Variants in TBC1D20 observed in about 807,000 individuals in gnomAD.
TBC1D20 encodes the protein TBC1 domain family member 20.
Under a neutral mutation model 41.6 loss-of-function variants are expected in TBC1D20, and 12 were observed. That is an observed-to-expected ratio of 0.29 (90% CI 0.18 to 0.47). The LOEUF (loss-of-function observed/expected upper bound fraction) is 0.47. TBC1D20 is among the 20% of genes least tolerant of loss of function. TBC1D20 has a pLI of 1.00. For synonymous variants in TBC1D20, 205 were observed against 204.8 expected (o/e 1.00, Z -0.01); for missense variants, 421 against 517.4 (o/e 0.81, Z 1.81).
intron 2 of TBC1D20, 133 bp downstream of exon 2, chr20:447,756 G>C: frequency 1.6e-6 from 1 of 636,340 alleles, no homozygotes; most frequent in Non-Finnish European, 2.4e-6. Flanking sequence ...GTGGGCCCAA[G>C]CATTTCCCAA....
In TBC1D20 at chr20:439,053, C is replaced by T. The variant is rs1015091154; in HGVS notation, c.956+55G>A. 4.0e-5 allele frequency: 63 copies of T among 1,559,292 alleles called. No homozygotes were observed. Among genetic ancestry groups the T allele is most frequent in the African/African-American group, 1.9e-4 (14 of 73,626 alleles). ...ATCCCACCAGACACAAACCTTCCCT[C>T]GCTTCTGCTCATTTACAGCCACCCC... On this transcript the variant is annotated intron_variant, in intron 7 of 7. Coordinates refer to ENST00000354200, the MANE Select transcript of TBC1D20 (RefSeq NM_144628.4). This position sits in a 1 kb window ranked among gnomAD's most constrained non-coding sequence, Gnocchi z 4.6.
chr20:443,754 T>C (rs1449312744), intron 3 of TBC1D20, among the ~76,000 whole-genome samples: 1 of 152,108 alleles, frequency 6.6e-6, no homozygotes, highest in Non-Finnish European at 1.5e-5. Flanking sequence ...GAAGCCACAC[T>C]GTAAGTTCAG....
At chr20:461,164 G>A (rs989645515) in intron 1 of TBC1D20, among the ~76,000 whole-genome samples, 1 of 152,186 alleles carries the variant, frequency 6.6e-6, no homozygotes, top group Non-Finnish European at 1.5e-5. Flanking sequence ...CAGAGGACTG[G>A]AAATAGGGAA....
chr20:462,436 C>G lies in TBC1D20; in HGVS notation c.-31G>C, dbSNP rs1205013706. The G allele has an allele frequency of 8.4e-7, 1 of 1,185,554 alleles. No individual in the cohort carries two copies. Among genetic ancestry groups the G allele is most frequent in the Non-Finnish European group, 1.1e-6 (1 of 946,428 alleles). The allele number at this position is 1,185,554 out of a possible 1,614,324, so 73.4% of individuals were successfully genotyped here. A position where few individuals can be genotyped will look rare whatever the true frequency, so the allele number is the denominator to read the frequency against. On this transcript the variant is annotated 5_prime_UTR_variant, in exon 1 of 8. Transcript: ENST00000354200. ...GGGGCCCCGGGCCCCCACCCGAGCC[C>G]CGGCTGGTGGCGGAGCCGGGAGAAG...
At chr20:449,079 T>A (rs534742850) in intron 1 of TBC1D20, among the ~76,000 whole-genome samples, 3 of 150,046 alleles carry the variant, frequency 2.0e-5, no homozygotes, top group African/African-American at 7.3e-5. Flanking sequence ...ACTCCTGACG[T>A]CGTGATCCTC....
intron 1 of TBC1D20, among the ~76,000 whole-genome samples, chr20:454,445 TA>T (rs1164032200): frequency 3.9e-5 from 6 of 152,022 alleles, no homozygotes; most frequent in Non-Finnish European, 8.8e-5. Flanking sequence ...ATAGACTAAT[TA>T]AAAAATATTT....
Position 439,436 on chromosome 20 carries a change from A to C in TBC1D20, c.769-141T>G. ...AAATGTTGAGCAAACTCTTGTATCC[A>C]TCAAGGAAGTAATAACATATATACG... is the stretch of plus-strand genomic sequence containing the variant. On this transcript the variant is annotated intron_variant, in intron 6 of 7. Coordinates refer to ENST00000354200, the MANE Select transcript of TBC1D20 (RefSeq NM_144628.4). The surrounding 1 kb of genome is among the most constrained non-coding windows in gnomAD (Gnocchi z 4.6). The C allele has an allele frequency of 1.6e-6, 1 of 626,614 alleles. No individual in the cohort carries two copies. Among genetic ancestry groups the C allele is most frequent in the Non-Finnish European group, 2.8e-6 (1 of 358,512 alleles). The allele number at this position is 626,614 out of a possible 1,614,324, so 38.8% of individuals were successfully genotyped here.
chr20:460,670 G>A (rs1378476966), intron 1 of TBC1D20, among the ~76,000 whole-genome samples: 1 of 151,882 alleles, frequency 6.6e-6, no homozygotes, highest in Non-Finnish European at 1.5e-5. Context: ...CACTACAATG[G>A]AAAAAAACAG....
chr20:440,195 A>G, intron 6 of TBC1D20, 53 bp downstream of exon 6: 1 of 1,589,862 alleles, frequency 6.3e-7, no homozygotes, highest in Non-Finnish European at 8.6e-7. Context: ...GAAAATGACC[A>G]CAGTGGGATG....
Position 441,472 on chromosome 20 carries a change from T to C in TBC1D20, c.626+116A>G, listed in dbSNP as rs2017227635. On this transcript the variant is annotated intron_variant, in intron 5 of 7. Coordinates refer to ENST00000354200, the MANE Select transcript of TBC1D20 (RefSeq NM_144628.4). ...GTGACTGGAACAACTGGGGAGAACT[T>C]AACAAATCCACCCAAGACAATGAGG... 1.6e-5 allele frequency: 15 copies of C among 909,708 alleles called. 1 individual carries two copies. The highest frequency in any genetic ancestry group is 2.6e-5 in the Non-Finnish European group (15 of 568,726). 56.4% of individuals were successfully genotyped at this position (909,708 alleles called of 1,614,324 possible).
At chr20:452,986 C>T (rs1007423356) in intron 1 of TBC1D20, among the ~76,000 whole-genome samples, 1 of 151,520 alleles carries the variant, frequency 6.6e-6, no homozygotes, top group Non-Finnish European at 1.5e-5. Flanking sequence ...CCCATCTCTA[C>T]TAAAAATACA....
Position 438,465 on chromosome 20 carries a change from G to A in TBC1D20, c.*121C>T. The A allele has an allele frequency of 1.7e-6, 2 of 1,192,752 alleles. No individual in the cohort carries two copies. Among genetic ancestry groups the A allele is most frequent in the Non-Finnish European group, 2.4e-6 (2 of 849,998 alleles). 73.9% of individuals were successfully genotyped at this position (1,192,752 alleles called of 1,614,324 possible). The stretch of plus-strand genomic sequence containing the variant: ...GGCAAACACAAACGGGCAGGGCAGG[G>A]TGGCAGGAATAAAAAACTCTGGACA... On this transcript the variant is annotated 3_prime_UTR_variant, in exon 8 of 8. Coordinates refer to ENST00000354200, the MANE Select transcript of TBC1D20 (RefSeq NM_144628.4).
In TBC1D20 at chr20:442,020, C is replaced by G; in HGVS notation, c.361G>C (p.Gly121Arg). ...ATGTCAATCAGTTCTTCCTGGAGCC[C>G]TTCTCTCTGTTCCTCTGGCATGCCT... ...PPGMPEEQREGLQEELIDIIL... is the reference protein window; with the variant it reads ...PPGMPEEQRERLQEELIDIIL... The change falls in exon 4 of 8, where the codon GGG becomes CGG. Residue 121 changes from glycine (G) to arginine (R), a missense_variant. By Grantham distance (125) the Gly-to-Arg change is moderately radical. This residue lies in a region of TBC1D20 where 110 missense variants were observed against 183.5 expected (regional missense o/e 0.60). Coordinates refer to ENST00000354200, the MANE Select transcript of TBC1D20 (RefSeq NM_144628.4). The G allele has an allele frequency of 1.2e-6, 2 of 1,613,254 alleles. No individual in the cohort carries two copies. Among genetic ancestry groups the G allele is most frequent in the Non-Finnish European group, 1.7e-6 (2 of 1,179,586 alleles).
At chr20:448,673 A>G (rs1431281403) in intron 1 of TBC1D20, among the ~76,000 whole-genome samples, 1 of 144,340 alleles carries the variant, frequency 6.9e-6, no homozygotes, top group Admixed American at 7.0e-5. Flanking sequence ...AGGATGACAG[A>G]GCGAGACTCC....
intron 1 of TBC1D20, among the ~76,000 whole-genome samples, chr20:449,709 T>C (rs1197800472): frequency 6.6e-6 from 1 of 152,222 alleles, no homozygotes; most frequent in Non-Finnish European, 1.5e-5. Context: ...TTCCCTGCTC[T>C]GGGCCTCTGG....
intron 1 of TBC1D20, among the ~76,000 whole-genome samples, chr20:454,617 G>A (rs2017510073): frequency 6.6e-6 from 1 of 151,890 alleles, no homozygotes; most frequent in Non-Finnish European, 1.5e-5. Context: ...AGACCATTGT[G>A]AGTCTACAAA....
intron 2 of TBC1D20, among the ~76,000 whole-genome samples, chr20:446,153 T>C (rs1286059823): frequency 2.0e-5 from 3 of 152,264 alleles, no homozygotes; most frequent in African/African-American, 7.2e-5. Flanking sequence ...GCAGGAAAGC[T>C]ACAAGGTGAG....
intron 3 of TBC1D20, among the ~76,000 whole-genome samples, chr20:442,767 T>C (rs1258017341): frequency 1.3e-5 from 2 of 152,146 alleles, no homozygotes; most frequent in Non-Finnish European, 2.9e-5. Context: ...AGTGTATGTC[T>C]ATGTGTAAAG....
intron 5 of TBC1D20, 21 bp downstream of exon 5, chr20:441,567 G>A: frequency 1.3e-6 from 2 of 1,595,938 alleles, no homozygotes; most frequent in East Asian, 2.2e-5. Context: ...CATGCACACA[G>A]AAATGCAGAC....
Sources: allele counts gnomAD v4.1 joint callset (sites outside exome capture counted in the v4.1 genomes callset), GRCh38; gene constraint gnomAD v4.1.1; regional missense constraint gnomAD v4.1.1; non-coding constraint Gnocchi (gnomAD v3.1); transcripts MANE v1.5; gene names NCBI Gene and HGNC (gene_info 2026-07-23, HGNC 2026-07-21).